Variants in STS observed in about 807,000 individuals in gnomAD.
STS encodes the protein steryl-sulfatase.
Under a neutral mutation model 26.8 loss-of-function variants are expected in STS, and 7 were observed. That is an observed-to-expected ratio of 0.26 (90% confidence interval 0.15 to 0.49). STS has a LOEUF of 0.49. Among genes scored for constraint, STS ranks in the 20% least tolerant of loss-of-function variants. The pLI is 0.98. For synonymous variants in STS, 199 were observed against 189.4 expected (o/e 1.05, Z -0.42); for missense variants, 434 against 465.6 (o/e 0.93, Z 0.63).
At chrX:7,304,736 G>GTGGC (rs1349948655) in intron 7 of STS, among the ~76,000 whole-genome samples, 2 of 111,651 alleles carry the variant, frequency 1.8e-5, no homozygotes, top group African/African-American at 6.5e-5. Context: ...CTGCCTCCAA[G>GTGGC]TGGCTCTCCA....
intron 7 of STS, among the ~76,000 whole-genome samples, chrX:7,285,433 A>G (rs1171603351): frequency 8.9e-6 from 1 of 112,111 alleles, no homozygotes; most frequent in Non-Finnish European, 1.9e-5. Context: ...AGATTGCAGA[A>G]TTTTACTTCA....
At chrX:7,200,777 AG>A (rs1424479845) in intron 2 of STS, among the ~76,000 whole-genome samples, 2 of 111,379 alleles carry the variant, frequency 1.8e-5, no homozygotes, top group African/African-American at 6.5e-5. Flanking sequence ...ATTTCTCTAA[AG>A]CTTAGCCCTT....
At chrX:7,279,021 G>A (rs1569210553) in intron 7 of STS, among the ~76,000 whole-genome samples, 1 of 110,959 alleles carries the variant, frequency 9.0e-6, no homozygotes. Context: ...TTGGGGGCTT[G>A]GGCCAGGCAT....
At chrX:7,205,837 A>G (rs1934213843) in intron 2 of STS, among the ~76,000 whole-genome samples, 1 of 108,435 alleles carries the variant, frequency 9.2e-6, no homozygotes, top group Non-Finnish European at 1.9e-5. Context: ...TCTGGTCTGG[A>G]GCTCCCAGGC....
At chrX:7,214,478 GTCTTC>G (rs1387535711) in intron 2 of STS, among the ~76,000 whole-genome samples, 1 of 112,082 alleles carries the variant, frequency 8.9e-6, no homozygotes, top group African/African-American at 3.2e-5. Flanking sequence ...TTTTTAAAAT[GTCTTC>G]TCTTCCCTTG....
chrX:7,196,470 T>C lies in STS; in HGVS notation c.-5+5462T>C, dbSNP rs537149077. On this transcript the variant is annotated intron_variant, in intron 2 of 10. Transcript: ENST00000674429. ...ATAATTCTTACGCCAAAGAAGCACA[T>C]TGTGGGGTGACGTATTCTTGTCCTT... is the stretch of plus-strand genomic sequence containing the variant. Among the ~76,000 whole-genome samples, 45 of 108,481 alleles carry C rather than the reference T, an allele frequency of 4.1e-4. 1 individual carries two copies. In the South Asian group the frequency reaches 0.019, roughly 46 times the overall value. The allele number at this position is 108,481 out of a possible 115,157, so 94.2% of individuals were successfully genotyped here. A position where few individuals can be genotyped will look rare whatever the true frequency, so the allele number is the denominator to read the frequency against.
At chrX:7,194,047 G>C (rs377165566) in intron 2 of STS, among the ~76,000 whole-genome samples, 6 of 111,448 alleles carry the variant, frequency 5.4e-5, no homozygotes, top group African/African-American at 1.6e-4. Context: ...TGGGACTACA[G>C]GCAAGCGCCA....
chrX:7,188,676 A>G (rs1317329917), intron 1 of STS, among the ~76,000 whole-genome samples: 1 of 111,973 alleles, frequency 8.9e-6, no homozygotes, highest in African/African-American at 3.2e-5. Context: ...GGGGGTTGGT[A>G]AGCACTGAGT....
intron 2 of STS, among the ~76,000 whole-genome samples, chrX:7,203,998 T>C (rs1261880197): frequency 9.0e-6 from 1 of 111,386 alleles, no homozygotes; most frequent in African/African-American, 3.3e-5. Context: ...TTGCGCAGGC[T>C]GCTCTCAAAC....
intron 7 of STS, among the ~76,000 whole-genome samples, chrX:7,276,714 G>A (rs1237192164): frequency 8.9e-6 from 1 of 112,056 alleles, no homozygotes; most frequent in Non-Finnish European, 1.9e-5. Context: ...CAGCCTTGGC[G>A]AGGCTCTCAG....
chrX:7,153,066 A>G (rs977150609), intron 1 of STS, among the ~76,000 whole-genome samples: 61 of 111,571 alleles, frequency 5.5e-4, no homozygotes, highest in Non-Finnish European at 1.0e-3. Context: ...ATGCATTCGA[A>G]TTTCCTCTGT....
intron 2 of STS, among the ~76,000 whole-genome samples, chrX:7,195,030 A>G (rs1219418115): frequency 1.8e-5 from 2 of 112,125 alleles, no homozygotes; most frequent in Non-Finnish European, 3.8e-5. Flanking sequence ...AAGGTACTGT[A>G]AAAAATATGG....
intron 2 of STS, among the ~76,000 whole-genome samples, chrX:7,192,147 G>A (rs1191845860): frequency 8.9e-6 from 1 of 111,939 alleles, no homozygotes; most frequent in African/African-American, 3.2e-5. Flanking sequence ...GTTCAAATAA[G>A]TGTGAAGAGA....
intron 7 of STS, among the ~76,000 whole-genome samples, chrX:7,287,984 T>A (rs890427895): frequency 6.4e-5 from 7 of 108,693 alleles, no homozygotes; most frequent in Admixed American, 5.9e-4. Context: ...TAGTTCACTA[T>A]TTTTTTTTCT....
intron 10 of STS, among the ~76,000 whole-genome samples, chrX:7,340,943 T>C (rs1377431004): frequency 8.9e-6 from 1 of 111,816 alleles, no homozygotes; most frequent in East Asian, 2.8e-4. Flanking sequence ...AGGCCAGAAG[T>C]TGGTCACCTG....
At chrX:7,166,776 A>G (rs1402140700) in intron 1 of STS, among the ~76,000 whole-genome samples, 2 of 111,736 alleles carry the variant, frequency 1.8e-5, no homozygotes, top group African/African-American at 6.5e-5. Context: ...AGTTCATAGA[A>G]TCAAAGAGAA....
rs753948742 is a variant in STS, at chrX:7,259,593, C to T, written c.627C>T (p.Gly209=). 1.7e-5 allele frequency: 20 copies of T among 1,209,383 alleles called. No individual in the cohort carries two copies. Among genetic ancestry groups the T allele is most frequent in the Non-Finnish European group, 2.1e-5 (19 of 895,028 alleles). ...NCLGLLHVPL[G]VFFSLLFLAA... is the part of the protein sequence containing the mutation. ...TGGGGCTACTCCACGTGCCTCTAGGCGTTTTTTTCAGCCTTCTCTTCCTAG... is the reference window on the plus strand; with the variant it reads ...TGGGGCTACTCCACGTGCCTCTAGGTGTTTTTTTCAGCCTTCTCTTCCTAG... Residue 209 remains glycine (G), a synonymous_variant, in exon 6 of 11, where the codon GGC becomes GGT. Transcript: ENST00000674429.
At chrX:7,166,551 A>G (rs1214878018) in intron 1 of STS, among the ~76,000 whole-genome samples, 1 of 111,974 alleles carries the variant, frequency 8.9e-6, no homozygotes, top group East Asian at 2.8e-4. Context: ...GATACTAAGT[A>G]GACACCACAG....
intron 6 of STS, among the ~76,000 whole-genome samples, chrX:7,264,515 G>A (rs1417764584): frequency 2.7e-5 from 3 of 111,679 alleles, no homozygotes; most frequent in Non-Finnish European, 5.6e-5. Context: ...GGCGTATAAT[G>A]TAGGATCACT....
Sources: gnomAD v4.1 joint callset for allele counts (sites outside exome capture counted in the v4.1 genomes callset) on GRCh38, gnomAD v4.1.1 for gene constraint, MANE v1.5 for transcripts, NCBI Gene and HGNC (gene_info 2026-07-23, HGNC 2026-07-21) for gene names.